PKN2: variants seen among roughly 807,000 people sequenced by gnomAD.
PKN2 encodes the protein serine/threonine-protein kinase N2.
PKN2 carries 38 observed loss-of-function variants against 119.1 expected under a neutral mutation model. The ratio of observed to expected loss-of-function variants is 0.32; its 90% CI spans 0.25 to 0.42. PKN2 has a LOEUF of 0.42. PKN2 is among the 10% of genes least tolerant of loss of function. The probability of loss-of-function intolerance (pLI) is 1.00; values close to 1 mark genes in which losing one functional copy is unlikely to be tolerated. For synonymous variants in PKN2, 390 were observed against 384.9 expected (o/e 1.01, Z -0.15); for missense variants, 850 against 1,165.1 (o/e 0.73, Z 3.94).
At chr1:88,761,355 G>T in intron 3 of PKN2, among the ~76,000 whole-genome samples, 1 of 151,588 alleles carries the variant, frequency 6.6e-6, no homozygotes, top group Admixed American at 6.6e-5. Flanking sequence ...TATTTTAGTA[G>T]ATATTTTTTA....
intron 1 of PKN2, among the ~76,000 whole-genome samples, chr1:88,738,185 A>G (rs920628813): frequency 6.6e-6 from 1 of 151,964 alleles, no homozygotes. Flanking sequence ...ACAAACAAAA[A>G]AAAACCAAAC....
intron 3 of PKN2, among the ~76,000 whole-genome samples, chr1:88,765,993 G>T (rs1669653958): frequency 2.0e-5 from 3 of 151,946 alleles, no homozygotes. Flanking sequence ...TTGTATTTTT[G>T]GTAGAGGCAG....
chr1:88,829,339 T>TGATAAGGCGA, intron 19 of PKN2: 1 of 393,060 alleles, frequency 2.5e-6, no homozygotes, highest in Non-Finnish European at 5.0e-6. Context: ...CACCAACAGC[T>TGATAAGGCGA]CCACCGAGAT....
At position 88,835,016 on chromosome 1, in the gene PKN2, T is replaced by A. The variant is rs2100944762; in HGVS notation, c.*1568T>A. The stretch of plus-strand genomic sequence containing the variant: ...CTCTTAAAAATTGTTCAGGTGTAAA[T>A]CTTATGAGAAACATGAAAAAGCACA... On this transcript the variant is annotated 3_prime_UTR_variant, in exon 22 of 22. Coordinates refer to ENST00000370521, the MANE Select transcript of PKN2 (RefSeq NM_006256.4). The A allele has an allele frequency of 6.6e-6, 1 of 152,560 alleles. No individual in the cohort carries two copies. The highest frequency in any genetic ancestry group is 2.4e-5 in the African/African-American group (1 of 41,568). The allele number at this position is 152,560 out of a possible 1,614,324, so 9.5% of individuals were successfully genotyped here. A position where few individuals can be genotyped will look rare whatever the true frequency, so the allele number is the denominator to read the frequency against.
intron 8 of PKN2, among the ~76,000 whole-genome samples, chr1:88,791,517 TA>T (rs1670841443): frequency 1.3e-5 from 2 of 151,632 alleles, no homozygotes; most frequent in South Asian, 4.2e-4. Flanking sequence ...GAAAATAAAA[TA>T]TCCATATTAC....
chr1:88,752,231 C>T (rs944977684), intron 2 of PKN2, among the ~76,000 whole-genome samples: 1 of 152,082 alleles, frequency 6.6e-6, no homozygotes. Flanking sequence ...CAAACTTACT[C>T]TTTATCAAAT....
chr1:88,817,533 C>G (rs953750321), intron 16 of PKN2, among the ~76,000 whole-genome samples: 2 of 151,782 alleles, frequency 1.3e-5, no homozygotes, highest in African/African-American at 4.8e-5. Context: ...TGGTGAAACC[C>G]CATCTCTACT....
rs143310311 is a variant in PKN2 at position 88,775,844 on chromosome 1, G to A, written c.985+3965G>A. Among the ~76,000 whole-genome samples the A allele has an allele frequency of 1.6e-3, 244 of 152,144 alleles. 3 individuals carry two copies. In the East Asian group the frequency reaches 0.041, roughly 26 times the overall value. On this transcript the variant is annotated intron_variant, in intron 6 of 21. Coordinates refer to ENST00000370521, the MANE Select transcript of PKN2 (RefSeq NM_006256.4). ...CTTCTGGCCAGGCGCAGTGGCTCAC[G>A]CCTGTAATCTCAGCACTTTGGGAGG...
chr1:88,811,821 A>T lies in PKN2; in HGVS notation c.2103-1736A>T, dbSNP rs187805578. Among the ~76,000 whole-genome samples the T allele has an allele frequency of 6.9e-4, 105 of 152,294 alleles. 1 individual carries two copies. Among genetic ancestry groups the T allele is most frequent in the African/African-American group, 2.5e-3 (103 of 41,574 alleles). ...CTTAAATTTTCATTCCACATCTATA[A>T]TCTGATGAAATATCAACTGACATTT... On this transcript the variant is annotated intron_variant, in intron 15 of 21. Transcript: ENST00000370521.
Position 88,833,391 on chromosome 1 carries a change from T to G in PKN2, c.2898T>G (p.Leu966=). The change falls in exon 22 of 22, where the codon CTT becomes CTG. Residue 966 remains leucine (L), a synonymous_variant. Coordinates refer to ENST00000370521, the MANE Select transcript of PKN2 (RefSeq NM_006256.4). The part of the protein sequence containing the change: ...ILTPPREPRI[L]SEEEQEMFRD... ...CTCCACCTCGAGAACCAAGGATACT[T>G]TCGGAAGAGGAGCAGGAAATGTTCA... is the stretch of plus-strand genomic sequence containing the variant. 2 of 1,613,380 alleles carry G rather than the reference T, an allele frequency of 1.2e-6. No homozygotes were observed. The highest frequency in any genetic ancestry group is 1.7e-6 in the Non-Finnish European group (2 of 1,179,458).
chr1:88,804,324 T>C (rs1671448945), intron 8 of PKN2, 67 bp from the exon 9 acceptor site: 5 of 1,214,692 alleles, frequency 4.1e-6, no homozygotes, highest in African/African-American at 1.5e-5. Flanking sequence ...TTTTGTGATA[T>C]TTTATTCAAG....
intron 2 of PKN2, among the ~76,000 whole-genome samples, chr1:88,748,877 T>C (rs971229890): frequency 4.6e-5 from 7 of 152,194 alleles, no homozygotes; most frequent in Middle Eastern, 3.4e-3. Context: ...TGAGGCTACA[T>C]TGAGCCATGA....
chr1:88,727,091 G>A (rs1042705763), intron 1 of PKN2, among the ~76,000 whole-genome samples: 2 of 149,456 alleles, frequency 1.3e-5, no homozygotes, highest in South Asian at 2.1e-4. Flanking sequence ...TTTGCTTCCT[G>A]TGTTTTGAAG....
intron 6 of PKN2, among the ~76,000 whole-genome samples, chr1:88,774,521 A>C (rs151193647): frequency 6.8e-4 from 104 of 152,300 alleles, no homozygotes; most frequent in African/African-American, 2.4e-3. Flanking sequence ...CACTGGGGGA[A>C]ATTCCAAAGG....
intron 18 of PKN2, 51 bp downstream of exon 18, chr1:88,824,437 T>G (rs1214526398): frequency 9.9e-7 from 1 of 1,009,956 alleles, no homozygotes; most frequent in Admixed American, 1.8e-5. Context: ...ACTGTTTCTT[T>G]GTGCATCAGT....
chr1:88,791,496 A>AATGACTAAT (rs539191671), intron 8 of PKN2, among the ~76,000 whole-genome samples: 3 of 152,132 alleles, frequency 2.0e-5, no homozygotes, highest in Non-Finnish European at 4.4e-5. Context: ...GAAACAAAGA[A>AATGACTAAT]ATGACTAATG....
At chr1:88,760,537 A>G (rs185350041) in intron 3 of PKN2, among the ~76,000 whole-genome samples, 161 bp downstream of exon 3, 6 of 152,338 alleles carry the variant, frequency 3.9e-5, no homozygotes, top group Non-Finnish European at 5.9e-5. Flanking sequence ...AGCAGGGGAA[A>G]TTTGAATTAT....
At position 88,767,841 on chromosome 1, in the gene PKN2, T is replaced by A. The variant is rs148793034; in HGVS notation, c.505-2511T>A. On this transcript the variant is annotated intron_variant, in intron 3 of 21. Transcript: ENST00000370521. ...AGGGTATATTTCAGCTCACTTTTAT[T>A]CCCCTTATCTCCAATCTCTTTCTTC... Among the ~76,000 whole-genome samples the A allele has an allele frequency of 2.5e-3, 374 of 152,312 alleles. 1 individual carries two copies. The highest frequency in any genetic ancestry group is 8.7e-3 in the African/African-American group (362 of 41,580).
intron 2 of PKN2, among the ~76,000 whole-genome samples, chr1:88,751,920 T>C (rs1306674534): frequency 6.6e-6 from 1 of 152,202 alleles, no homozygotes; most frequent in Non-Finnish European, 1.5e-5. Flanking sequence ...AGGAAACAGC[T>C]GCCAGTCTCA....
Sources: gnomAD v4.1 joint callset for allele counts (sites outside exome capture counted in the v4.1 genomes callset) on GRCh38, gnomAD v4.1.1 for gene constraint, MANE v1.5 for transcripts, NCBI Gene and HGNC (gene_info 2026-07-23, HGNC 2026-07-21) for gene names.